ATG10: variants seen among roughly 807,000 people sequenced by gnomAD.
ATG10 encodes the protein ubiquitin-like-conjugating enzyme ATG10.
ATG10 carries 30 observed loss-of-function variants against 32.1 expected under a neutral mutation model. The observed-to-expected ratio is 0.94, with a 90% CI of 0.70 to 1.27. The LOEUF (loss-of-function observed/expected upper bound fraction) is 1.27. ATG10 is among the 50% of genes most tolerant of loss of function. The pLI is 0.00. For synonymous variants in ATG10, 87 were observed against 91.5 expected (o/e 0.95, Z 0.28); for missense variants, 233 against 262.3 (o/e 0.89, Z 0.77).
intron 3 of ATG10, among the ~76,000 whole-genome samples, chr5:82,118,417 T>TATATATATATATATGTATA (rs1472778722): frequency 7.1e-6 from 1 of 141,200 alleles, no homozygotes; most frequent in African/African-American, 2.6e-5. Flanking sequence ...TATGTATATA[T>TATATATATATATATGTATA]TCCCTAGCAC....
At chr5:82,130,606 C>A (rs1390392978) in intron 3 of ATG10, among the ~76,000 whole-genome samples, 3 of 151,456 alleles carry the variant, frequency 2.0e-5, no homozygotes, top group Non-Finnish European at 2.9e-5. Flanking sequence ...AGTGAGTTCC[C>A]CGACCCCTTG....
At chr5:82,058,810 G>A (rs1312688065) in intron 3 of ATG10, among the ~76,000 whole-genome samples, 1 of 152,082 alleles carries the variant, frequency 6.6e-6, no homozygotes, top group Admixed American at 6.6e-5. Context: ...AATTGCCATT[G>A]GATCCTGGGC....
chr5:82,237,530 A>G (rs1746613358), intron 5 of ATG10, among the ~76,000 whole-genome samples: 1 of 151,930 alleles, frequency 6.6e-6, no homozygotes, highest in East Asian at 1.9e-4. Context: ...TCTAGTCCCA[A>G]CTACTCCGGA....
At position 82,000,296 on chromosome 5, in the gene ATG10, T is replaced by A. The variant is rs142070071; in HGVS notation, c.108+12618T>A. On this transcript the variant is annotated intron_variant, in intron 2 of 7. Transcript: ENST00000282185. ...TTCATATTAAAAACCCTCAACAAAC[T>A]AGGCACTGAAGGAACATACTTCAAA... is the stretch of plus-strand genomic sequence containing the variant. Among the ~76,000 whole-genome samples the A allele has an allele frequency of 1.7e-3, 254 of 152,220 alleles. 7 individuals are homozygous for A. Among genetic ancestry groups the A allele is most frequent in the Admixed American group, 0.015 (231 of 15,292 alleles).
intron 4 of ATG10, among the ~76,000 whole-genome samples, chr5:82,167,751 C>G (rs1265463538): frequency 1.3e-5 from 2 of 152,190 alleles, no homozygotes; most frequent in African/African-American, 4.8e-5. Context: ...AGGCAGACAG[C>G]CAAGTTGAGA....
chr5:82,129,401 A>AT (rs1766421390), intron 3 of ATG10, among the ~76,000 whole-genome samples: 1 of 151,830 alleles, frequency 6.6e-6, no homozygotes, highest in Non-Finnish European at 1.5e-5. Context: ...AGGAGTTGTG[A>AT]TTTTTTGGAG....
chr5:82,013,278 C>A (rs1244171731), intron 2 of ATG10, among the ~76,000 whole-genome samples: 1 of 152,150 alleles, frequency 6.6e-6, no homozygotes, highest in East Asian at 1.9e-4. Flanking sequence ...GCCTTTGACT[C>A]CTCATACCTT....
intron 2 of ATG10, among the ~76,000 whole-genome samples, chr5:81,993,364 T>TTTCTTTCTTTCTTTCTTTCCTTC (rs374179266): frequency 8.8e-5 from 3 of 34,190 alleles, no homozygotes; most frequent in African/African-American, 1.2e-4. Context: ...TCTTTCCTTC[T>TTTCTTTCTTTCTTTCTTTCCTTC]TTTCTTTTCT....
chr5:82,193,775 C>T (rs766826617), intron 5 of ATG10, among the ~76,000 whole-genome samples: 58 of 152,098 alleles, frequency 3.8e-4, no homozygotes, highest in Non-Finnish European at 4.7e-4. Flanking sequence ...TTATTTTTTA[C>T]ATAAAAAAAT....
intron 3 of ATG10, among the ~76,000 whole-genome samples, chr5:82,132,282 G>T (rs899582848): frequency 6.6e-6 from 1 of 151,890 alleles, no homozygotes; most frequent in South Asian, 2.1e-4. Flanking sequence ...TAAGTTCCGG[G>T]ATACATGTGC....
chr5:82,062,191 C>G (rs964428675), intron 3 of ATG10, among the ~76,000 whole-genome samples: 1 of 151,950 alleles, frequency 6.6e-6, no homozygotes, highest in Non-Finnish European at 1.5e-5. Context: ...AATCAATTTA[C>G]ATAGAAAAAT....
chr5:82,071,184 G>C (rs935201263), intron 3 of ATG10, among the ~76,000 whole-genome samples: 4 of 152,136 alleles, frequency 2.6e-5, no homozygotes, highest in Non-Finnish European at 4.4e-5. Context: ...GAGGCATGGG[G>C]CTGAAAATGA....
chr5:82,053,735 G>A (rs759230738), intron 2 of ATG10, among the ~76,000 whole-genome samples: 4 of 152,170 alleles, frequency 2.6e-5, no homozygotes, highest in Admixed American at 6.6e-5. Context: ...CAGTGACAGA[G>A]TGAAGCATCA....
At chr5:82,194,789 A>G (rs10070637) in intron 5 of ATG10, among the ~76,000 whole-genome samples, 81,174 of 151,948 alleles carry the variant, frequency 0.53, 23,395 homozygotes, top group East Asian at 0.9. Context: ...CTGGCATTTT[A>G]TAGGAGACAG....
intron 3 of ATG10, among the ~76,000 whole-genome samples, chr5:82,123,902 C>T (rs1766146130): frequency 6.6e-6 from 1 of 151,964 alleles, no homozygotes; most frequent in South Asian, 2.1e-4. Flanking sequence ...CACCACTGCA[C>T]TCCAGCCTGG....
chr5:82,174,917 A>G (rs1171437340), intron 4 of ATG10, among the ~76,000 whole-genome samples: 1 of 152,172 alleles, frequency 6.6e-6, no homozygotes, highest in African/African-American at 2.4e-5. Flanking sequence ...ATATTTTAAC[A>G]ATGGTATTAT....
intron 4 of ATG10, among the ~76,000 whole-genome samples, chr5:82,173,508 G>A (rs1743882164): frequency 6.6e-6 from 1 of 152,104 alleles, no homozygotes; most frequent in Non-Finnish European, 1.5e-5. Flanking sequence ...TAGCTTAAAT[G>A]TGTATTATCA....
chr5:82,243,398 G>A (rs1746882384), intron 5 of ATG10, among the ~76,000 whole-genome samples: 1 of 152,026 alleles, frequency 6.6e-6, no homozygotes, highest in Non-Finnish European at 1.5e-5. Context: ...GATTGTAAAG[G>A]TGGATATTTA....
At chr5:81,983,084 G>A (rs562816942) in intron 1 of ATG10, among the ~76,000 whole-genome samples, 1 of 152,182 alleles carries the variant, frequency 6.6e-6, no homozygotes, top group Non-Finnish European at 1.5e-5. Context: ...CTCCCAGACG[G>A]GGTGGTGGCC....
Sources: allele counts gnomAD v4.1 joint callset (sites outside exome capture counted in the v4.1 genomes callset), GRCh38; gene constraint gnomAD v4.1.1; transcripts MANE v1.5; gene names NCBI Gene and HGNC (gene_info 2026-07-23, HGNC 2026-07-21).